The following INPP5A variants were observed in gnomAD, a reference collection of about 807,000 sequenced individuals.
INPP5A encodes the protein 43 kDa inositol polyphosphate 5-phophatase.
In INPP5A, 14 loss-of-function variants were observed where a neutral mutation model predicts 65.2. The observed-to-expected ratio is 0.21, with a 90% confidence interval of 0.14 to 0.34. The LOEUF (loss-of-function observed/expected upper bound fraction) is 0.34, where lower values mean the gene tolerates loss of function less well. Ranked by LOEUF, INPP5A falls within the 10% of genes least tolerant of loss-of-function variation. The pLI is 1.00. For missense variants in INPP5A, 431 were observed against 545.6 expected, an observed-to-expected ratio of 0.79 and a Z score of 2.09; for synonymous variants, 207 against 208.3, an observed-to-expected ratio of 0.99 and a Z score of 0.05.
At chr10:132,713,774 C>G (rs1358900161) in intron 8 of INPP5A, among the ~76,000 whole-genome samples, 1 of 152,198 alleles carries the variant, frequency 6.6e-6, no homozygotes, top group Non-Finnish European at 1.5e-5. Flanking sequence ...CCGGATATCT[C>G]TGGAGCTGGC....
At chr10:132,685,805 C>G (rs2073107832) in intron 4 of INPP5A, among the ~76,000 whole-genome samples, 1 of 152,198 alleles carries the variant, frequency 6.6e-6, no homozygotes, top group African/African-American at 2.4e-5. Context: ...GTGGTCTGCT[C>G]CCGCCCTGAG....
Position 132,650,496 on chromosome 10 carries a change from G to T in INPP5A, c.297G>T (p.Glu99Asp), listed in dbSNP as rs753761378. The T allele has an allele frequency of 6.2e-7, 1 of 1,612,204 alleles. No homozygotes were observed. The highest frequency in any genetic ancestry group is 1.1e-5 in the South Asian group (1 of 91,068). ...TGGATGAAAACTACAAATCCCAGGA[G>T]CACTTCACGGTGAGTCCCTCCCGCT... ...VYLDENYKSQ[E>D]HFTALGSFYF... is the part of the protein sequence containing the mutation. The change falls in exon 4 of 16, where the codon GAG (glutamate) becomes GAT (aspartate). Residue 99 changes from glutamate (E) to aspartate (D), a missense_variant. Coordinates refer to ENST00000368594, the MANE Select transcript of INPP5A (RefSeq NM_005539.5). The surrounding 1 kb of genome is among the most constrained non-coding windows in gnomAD (Gnocchi z 5.5).
intron 2 of INPP5A, among the ~76,000 whole-genome samples, chr10:132,625,736 G>T (rs2072173712): frequency 6.6e-6 from 1 of 152,130 alleles, no homozygotes; most frequent in South Asian, 2.1e-4. Flanking sequence ...CCTTGGCCCT[G>T]GGCATTGCAC....
At position 132,704,015 on chromosome 10, in the gene INPP5A, C is replaced by A. The variant is rs1259444297; in HGVS notation, c.475-4298C>A. On this transcript the variant is annotated intron_variant, in intron 6 of 15. Transcript: ENST00000368594. This position sits in a 1 kb window ranked among gnomAD's most constrained non-coding sequence, Gnocchi z 4.5. Reference sequence around the variant, plus strand: ...CACACACACGCACGGCTTCACCCCCCCACACACGCGTGGCTTCACCCCCAC... The same window carrying A: ...CACACACACGCACGGCTTCACCCCCACACACACGCGTGGCTTCACCCCCAC... Among the ~76,000 whole-genome samples, 45 of 137,456 alleles carry A rather than the reference C, an allele frequency of 3.3e-4. No homozygotes were observed. The highest frequency in any genetic ancestry group is 6.7e-4 in the Non-Finnish European group (42 of 62,424). 90.2% of individuals were successfully genotyped at this position (137,456 alleles called of 152,430 possible). A position where few individuals can be genotyped will look rare whatever the true frequency, so the allele number is the denominator to read the frequency against.
chr10:132,640,190 A>G (rs935559340), intron 2 of INPP5A, among the ~76,000 whole-genome samples: 2 of 152,228 alleles, frequency 1.3e-5, no homozygotes, highest in African/African-American at 4.8e-5. Flanking sequence ...GGTTCTCAGC[A>G]TGCACGCATT....
intron 4 of INPP5A, among the ~76,000 whole-genome samples, chr10:132,689,397 A>G (rs1845217471): frequency 6.6e-6 from 1 of 152,198 alleles, no homozygotes; most frequent in Non-Finnish European, 1.5e-5. Flanking sequence ...GCTTTATCCC[A>G]GGACCTGCTA....
In INPP5A at chr10:132,587,945, G is replaced by A. The variant is rs1380346105; in HGVS notation, c.76-19970G>A. ...GAGAATCACTTGAATCCGGGAGGCG[G>A]AGGTTGCAGTGAGCCAAGATGGCGC... On this transcript the variant is annotated intron_variant, in intron 1 of 15. Coordinates refer to ENST00000368594, the MANE Select transcript of INPP5A (RefSeq NM_005539.5). This position sits in a 1 kb window ranked among gnomAD's most constrained non-coding sequence, Gnocchi z 4.3. Among the ~76,000 whole-genome samples the A allele has an allele frequency of 6.8e-6, 1 of 147,482 alleles. No individual in the cohort carries two copies. Among genetic ancestry groups the A allele is most frequent in the East Asian group, 2.2e-4 (1 of 4,628 alleles).
intron 12 of INPP5A, among the ~76,000 whole-genome samples, chr10:132,774,537 G>A (rs1475348581): frequency 3.3e-5 from 5 of 152,210 alleles, no homozygotes; most frequent in African/African-American, 9.6e-5. Context: ...TGGCGAAGCC[G>A]TGGGCCCCCA....
intron 2 of INPP5A, among the ~76,000 whole-genome samples, chr10:132,635,571 A>G (rs1014077628): frequency 2.0e-5 from 3 of 150,482 alleles, no homozygotes; most frequent in Non-Finnish European, 4.4e-5. Flanking sequence ...AATTTTTTGT[A>G]TTTTTAGTAG....
At chr10:132,680,436 T>A (rs2073027416) in intron 4 of INPP5A, among the ~76,000 whole-genome samples, 1 of 152,236 alleles carries the variant, frequency 6.6e-6, no homozygotes, top group African/African-American at 2.4e-5. Flanking sequence ...CAAAATACCT[T>A]ATACCCATTA....
rs568631115 is a variant in INPP5A at position 132,727,815 on chromosome 10, C to T, written c.732+910C>T. 2.0e-5 allele frequency among the ~76,000 whole-genome samples: 3 copies of T among 152,022 alleles called. No homozygotes were observed. The highest frequency in any genetic ancestry group is 6.5e-5 in the Admixed American group (1 of 15,274). Reference sequence around the variant, plus strand: ...GGACACGGTAAGTCGGATGGGGACACGGTGAGTCAGATGGGGACATGGTGA... The same window carrying T: ...GGACACGGTAAGTCGGATGGGGACATGGTGAGTCAGATGGGGACATGGTGA... On this transcript the variant is annotated intron_variant, in intron 9 of 15. Coordinates refer to ENST00000368594, the MANE Select transcript of INPP5A (RefSeq NM_005539.5). This position sits in a 1 kb window ranked among gnomAD's most constrained non-coding sequence, Gnocchi z 6.5.
rs570905529 is a variant in INPP5A at position 132,756,817 on chromosome 10, C to T, written c.903+6972C>T. On this transcript the variant is annotated intron_variant, in intron 11 of 15. Coordinates refer to ENST00000368594, the MANE Select transcript of INPP5A (RefSeq NM_005539.5). ...GCCGTTATCACAGGAGATGAGGCTG[C>T]ATGCGGGTGGTTGCCCCTGAGGGCC... Among the ~76,000 whole-genome samples the T allele has an allele frequency of 1.8e-3, 280 of 152,388 alleles. 1 individual carries two copies. Among genetic ancestry groups the T allele is most frequent in the Non-Finnish European group, 3.5e-3 (240 of 68,042 alleles).
rs2071024424 is a variant in INPP5A at position 132,549,582 on chromosome 10, T to C, written c.75+11411T>C. Among the ~76,000 whole-genome samples, 3 of 152,232 alleles carry C rather than the reference T, an allele frequency of 2.0e-5. No individual in the cohort carries two copies. In the South Asian group the frequency reaches 6.2e-4, roughly 31 times the overall value. ...GAGGGCCTGTGGGATGCGAGGCCTC[T>C]GCTACGAGGCTCCCGCTTGCCTGGC... is the stretch of plus-strand genomic sequence containing the variant. On this transcript the variant is annotated intron_variant, in intron 1 of 15. Transcript: ENST00000368594. The surrounding 1 kb of genome is among the most constrained non-coding windows in gnomAD (Gnocchi z 4.9).
At chr10:132,763,968 C>T (rs1846784463) in intron 11 of INPP5A, among the ~76,000 whole-genome samples, 1 of 152,280 alleles carries the variant, frequency 6.6e-6, no homozygotes, top group East Asian at 1.9e-4. Flanking sequence ...GCATCCGTCT[C>T]CCGAGGCCTC....
chr10:132,684,428 G>A (rs967651535), intron 4 of INPP5A, among the ~76,000 whole-genome samples: 11 of 152,146 alleles, frequency 7.2e-5, no homozygotes, highest in African/African-American at 2.7e-4. Context: ...ATGTATGTTT[G>A]TCTATAGTGT....
rs1464190938 is a variant in INPP5A, at chr10:132,627,423, G to C, written c.118-18445G>C. Among the ~76,000 whole-genome samples the C allele has an allele frequency of 6.6e-6, 1 of 152,162 alleles. No homozygotes were observed. Among genetic ancestry groups the C allele is most frequent in the East Asian group, 1.9e-4 (1 of 5,194 alleles). On this transcript the variant is annotated intron_variant, in intron 2 of 15. Transcript: ENST00000368594. This position sits in a 1 kb window ranked among gnomAD's most constrained non-coding sequence, Gnocchi z 6.6. ...GCTGAGCAGGTGGGTCTGGAGGGCG[G>C]TGGGGCTGGCGGTGCTGGGCGCGGC...
At chr10:132,648,690 GATATCGCCCC>G (rs1185097042) in intron 3 of INPP5A, among the ~76,000 whole-genome samples, 2 of 152,298 alleles carry the variant, frequency 1.3e-5, no homozygotes, top group East Asian at 3.9e-4. Flanking sequence ...CTACTTTAAT[GATATCGCCCC>G]ATTGTCTTCT....
chr10:132,677,486 T>A (rs2072981954), intron 4 of INPP5A, among the ~76,000 whole-genome samples: 1 of 152,218 alleles, frequency 6.6e-6, no homozygotes, highest in South Asian at 2.1e-4. Context: ...GACCGGCCAA[T>A]GACTTTGCCC....
rs987942174 is a variant in INPP5A at position 132,697,674 on chromosome 10, C to T, written c.371-142C>T. The T allele has an allele frequency of 9.5e-6, 6 of 628,658 alleles. No individual in the cohort carries two copies. Among genetic ancestry groups the T allele is most frequent in the East Asian group, 5.6e-5 (2 of 35,936 alleles). 38.9% of individuals were successfully genotyped at this position (628,658 alleles called of 1,614,324 possible). A position where few individuals can be genotyped will look rare whatever the true frequency, so the allele number is the denominator to read the frequency against. On this transcript the variant is annotated intron_variant, in intron 5 of 15. Coordinates refer to ENST00000368594, the MANE Select transcript of INPP5A (RefSeq NM_005539.5). This position sits in a 1 kb window ranked among gnomAD's most constrained non-coding sequence, Gnocchi z 5.6. ...GGCCCGCTGGGGGTCTGTTCTGGGTCGGACCCCTCATCAGGGCCTCCTCTC... is the reference window on the plus strand; with the variant it reads ...GGCCCGCTGGGGGTCTGTTCTGGGTTGGACCCCTCATCAGGGCCTCCTCTC...
Sources: gnomAD v4.1 joint callset for allele counts (sites outside exome capture counted in the v4.1 genomes callset) on GRCh38, gnomAD v4.1.1 for gene constraint, Gnocchi (gnomAD v3.1) non-coding constraint, MANE v1.5 for transcripts, NCBI Gene and HGNC (gene_info 2026-07-23, HGNC 2026-07-21) for gene names.